The following ETV1 variants were observed in gnomAD, a reference collection of about 807,000 sequenced individuals.
The protein encoded by ETV1 is ETS translocation variant 1.
A neutral mutation model predicts 62.3 loss-of-function variants in ETV1; 27 were observed. The ratio of observed to expected loss-of-function variants is 0.43; its 90% CI spans 0.32 to 0.60. ETV1 has a LOEUF of 0.60. Among genes scored for constraint, ETV1 ranks in the 20% least tolerant of loss-of-function variants. The pLI is 0.06. For synonymous variants in ETV1, 222 were observed against 199.6 expected (o/e 1.11, Z -0.94); for missense variants, 605 against 605.8 (o/e 1.00, Z 0.01).
intron 6 of ETV1, among the ~76,000 whole-genome samples, chr7:13,957,190 A>G (rs1278396784): frequency 6.6e-6 from 1 of 151,976 alleles, no homozygotes; most frequent in Non-Finnish European, 1.5e-5. Flanking sequence ...GGTTTACGCC[A>G]TTCTCCTGCC....
intron 12 of ETV1, 67 bp from the exon 13 acceptor site, chr7:13,900,906 TTTAA>T (rs879104917): frequency 9.3e-7 from 1 of 1,076,626 alleles, no homozygotes; most frequent in East Asian, 2.7e-5. Context: ...ATAAAAATTA[TTTAA>T]TTAATTACTT....
chr7:13,905,135 G>C lies in ETV1; in HGVS notation c.1110+1295C>G, dbSNP rs1782827668. Among the ~76,000 whole-genome samples the C allele has an allele frequency of 1.3e-5, 2 of 151,602 alleles. 1 individual carries two copies. The highest frequency in any genetic ancestry group is 4.2e-4 in the South Asian group (2 of 4,798). On this transcript the variant is annotated intron_variant, in intron 12 of 13. Coordinates refer to ENST00000430479, the MANE Select transcript of ETV1 (RefSeq NM_004956.5). The stretch of plus-strand genomic sequence containing the variant: ...TATTTCATACTTTCAGTACATTCTC[G>C]AGTCAGATAATCTCTTAAATTTCAA...
At chr7:13,946,735 G>T (rs192101152) in intron 6 of ETV1, among the ~76,000 whole-genome samples, 1 of 152,224 alleles carries the variant, frequency 6.6e-6, no homozygotes, top group Admixed American at 6.5e-5. Flanking sequence ...TTGAACACTT[G>T]AAATATAAGG....
At chr7:13,976,933 A>G (rs1781505711) in intron 6 of ETV1, among the ~76,000 whole-genome samples, 1 of 152,234 alleles carries the variant, frequency 6.6e-6, no homozygotes, top group South Asian at 2.1e-4. Flanking sequence ...AAAATTAAAT[A>G]AAAGCAGGTG....
chr7:13,911,363 A>G (rs1475633548), intron 9 of ETV1, 56 bp from the exon 10 acceptor site: 3 of 1,185,726 alleles, frequency 2.5e-6, no homozygotes, highest in Non-Finnish European at 2.5e-6. Flanking sequence ...CGCTGCGGTT[A>G]TCAATGGACA....
chr7:13,920,986 G>A (rs974641322), intron 9 of ETV1, among the ~76,000 whole-genome samples: 1 of 152,158 alleles, frequency 6.6e-6, no homozygotes, highest in Non-Finnish European at 1.5e-5. Context: ...GAGATTAAGT[G>A]ATCTACTAGT....
intron 6 of ETV1, among the ~76,000 whole-genome samples, chr7:13,943,600 A>C (rs1787809361): frequency 1.3e-5 from 2 of 152,216 alleles, no homozygotes; most frequent in Admixed American, 6.5e-5. Flanking sequence ...TGATAGCAAA[A>C]ACTGGAAAAA....
intron 8 of ETV1, among the ~76,000 whole-genome samples, chr7:13,932,534 C>T (rs1312843451): frequency 1.3e-5 from 2 of 152,176 alleles, no homozygotes; most frequent in Middle Eastern, 3.2e-3. Flanking sequence ...GCAAGTCCCG[C>T]TGTTAGGACA....
chr7:13,929,352 TA>T (rs1180170978), intron 9 of ETV1, among the ~76,000 whole-genome samples: 1 of 152,194 alleles, frequency 6.6e-6, no homozygotes, highest in East Asian at 1.9e-4. Flanking sequence ...TCTTAAATTA[TA>T]AATCGGCCAA....
chr7:13,978,043 T>A (rs1026202276), intron 5 of ETV1, among the ~76,000 whole-genome samples: 1 of 152,184 alleles, frequency 6.6e-6, no homozygotes, highest in African/African-American at 2.4e-5. Flanking sequence ...GAATGGTCCT[T>A]GATTTGGCTC....
intron 6 of ETV1, among the ~76,000 whole-genome samples, chr7:13,970,266 ACACACACACACACACACACAC>A (rs1183626779): frequency 4.0e-4 from 2 of 4,954 alleles, no homozygotes; most frequent in African/African-American, 9.0e-4. Flanking sequence ...ATCTCAAAAC[ACACACACACACACACACACAC>A]ACACACACAC....
chr7:13,984,484 A>G (rs1031412365), intron 5 of ETV1, among the ~76,000 whole-genome samples: 1 of 152,018 alleles, frequency 6.6e-6, no homozygotes, highest in African/African-American at 2.4e-5. Context: ...ACAAAAAAAA[A>G]GTGGAGTCTA....
chr7:13,944,986 G>C (rs1787989525), intron 6 of ETV1, among the ~76,000 whole-genome samples: 1 of 152,148 alleles, frequency 6.6e-6, no homozygotes, highest in African/African-American at 2.4e-5. Flanking sequence ...AGCTAGGGAA[G>C]AGGCAGGGAA....
intron 6 of ETV1, among the ~76,000 whole-genome samples, chr7:13,977,051 A>G (rs1401924608): frequency 2.0e-5 from 3 of 152,234 alleles, no homozygotes; most frequent in Admixed American, 1.3e-4. Flanking sequence ...TCTACCTCCC[A>G]TCAGCATCCA....
chr7:13,909,532 A>G (rs2128418201), intron 11 of ETV1, 100 bp downstream of exon 11: 2 of 841,916 alleles, frequency 2.4e-6, no homozygotes, highest in Middle Eastern at 2.3e-4. Context: ...TTATGTGCAT[A>G]GGAATCTTTA....
At chr7:13,978,525 T>C (rs954540633) in intron 5 of ETV1, among the ~76,000 whole-genome samples, 6 of 152,164 alleles carry the variant, frequency 3.9e-5, no homozygotes, top group African/African-American at 1.4e-4. Context: ...ACTTCATTAG[T>C]GTTACGTAAT....
chr7:13,979,375 G>A (rs912184752), intron 5 of ETV1, among the ~76,000 whole-genome samples: 4 of 151,948 alleles, frequency 2.6e-5, no homozygotes, highest in African/African-American at 7.3e-5. Context: ...TTCTAATGAA[G>A]TCTACTAGAG....
Position 13,894,065 on chromosome 7 carries a change from G to C in ETV1, c.*1801C>G. 1 of 232,918 alleles carries C rather than the reference G, an allele frequency of 4.3e-6. No homozygotes were observed. Among genetic ancestry groups the C allele is most frequent in the Non-Finnish European group, 8.5e-6 (1 of 117,902 alleles). The allele number at this position is 232,918 out of a possible 1,614,324, so 14.4% of individuals were successfully genotyped here. A position where few individuals can be genotyped will look rare whatever the true frequency, so the allele number is the denominator to read the frequency against. ...GTGATCTGTGTAGTTTTGGAAAATG[G>C]GTAGCTGGGGGGATCATCTTTAAAC... On this transcript the variant is annotated 3_prime_UTR_variant, in exon 14 of 14. Coordinates refer to ENST00000430479, the MANE Select transcript of ETV1 (RefSeq NM_004956.5).
intron 9 of ETV1, among the ~76,000 whole-genome samples, chr7:13,914,244 C>T (rs2299093): frequency 3.3e-5 from 5 of 151,720 alleles, no homozygotes; most frequent in Admixed American, 6.6e-5. Flanking sequence ...GCTCCTAAAG[C>T]GCTCTGGTTT....
Sources: gnomAD v4.1 joint callset for allele counts (sites outside exome capture counted in the v4.1 genomes callset) on GRCh38, gnomAD v4.1.1 for gene constraint, MANE v1.5 for transcripts, NCBI Gene and HGNC (gene_info 2026-07-23, HGNC 2026-07-21) for gene names.